MACROD2: variants seen among roughly 807,000 people sequenced by gnomAD.
The protein encoded by MACROD2 is mono-ADP ribosylhydrolase 2.
MACROD2 carries 36 observed loss-of-function variants against 70.4 expected under a neutral mutation model. That is an observed-to-expected ratio of 0.51 (90% confidence interval 0.39 to 0.68). MACROD2 has a LOEUF of 0.68. Among genes scored for constraint, MACROD2 ranks in the 30% least tolerant of loss-of-function variants. The pLI, the probability that MACROD2 is intolerant of heterozygous loss-of-function variation, is 0.00. For synonymous variants in MACROD2, 172 were observed against 178.8 expected (o/e 0.96, Z 0.30); for missense variants, 496 against 538.4 (o/e 0.92, Z 0.78).
intron 6 of MACROD2, among the ~76,000 whole-genome samples, chr20:15,264,834 C>G (rs981786930): frequency 6.6e-6 from 1 of 151,992 alleles, no homozygotes; most frequent in African/African-American, 2.4e-5. Context: ...CCCTGACCAC[C>G]CCAAACTTCA....
intron 4 of MACROD2, among the ~76,000 whole-genome samples, chr20:14,496,734 A>C (rs770009528): frequency 6.7e-6 from 1 of 148,686 alleles, no homozygotes; most frequent in South Asian, 2.1e-4. Flanking sequence ...TTCTGTTCAT[A>C]GTTTCTAGAT....
chr20:14,666,827 T>C (rs2070741580), intron 4 of MACROD2, among the ~76,000 whole-genome samples: 1 of 151,984 alleles, frequency 6.6e-6, no homozygotes. Context: ...TGTTTCATCC[T>C]GACAGGAATG....
At chr20:14,923,069 T>A (rs996193004) in intron 5 of MACROD2, among the ~76,000 whole-genome samples, 1 of 152,168 alleles carries the variant, frequency 6.6e-6, no homozygotes, top group African/African-American at 2.4e-5. Flanking sequence ...CATTCTCAAT[T>A]GCCAGCGGTC....
rs546924684 is a variant in MACROD2 at position 15,911,385 on chromosome 20, A to G, written c.776-21891A>G. Among the ~76,000 whole-genome samples, 31 of 152,382 alleles carry G rather than the reference A, an allele frequency of 2.0e-4. 1 individual carries two copies. In the South Asian group the frequency reaches 6.4e-3, roughly 32 times the overall value. On this transcript the variant is annotated intron_variant, in intron 10 of 17. Coordinates refer to ENST00000684519, the MANE Select transcript of MACROD2 (RefSeq NM_001351661.2). ...GTGTCTTGTTCTTTAAAGACAGACA[A>G]TAAGAGTTAGGAGGACATAATGTCA... is the stretch of plus-strand genomic sequence containing the variant.
At chr20:15,739,354 T>G (rs1041471451) in intron 8 of MACROD2, among the ~76,000 whole-genome samples, 5 of 152,160 alleles carry the variant, frequency 3.3e-5, no homozygotes, top group African/African-American at 1.2e-4. Context: ...AAATCTGGAT[T>G]TGGAAGTCAT....
At chr20:15,301,864 G>A (rs886568508) in intron 6 of MACROD2, among the ~76,000 whole-genome samples, 9 of 152,044 alleles carry the variant, frequency 5.9e-5, no homozygotes, top group South Asian at 2.1e-4. Flanking sequence ...ATTCTCTCGC[G>A]TCTCATTTTT....
intron 5 of MACROD2, among the ~76,000 whole-genome samples, chr20:14,951,990 A>T (rs1251908865): frequency 6.6e-6 from 1 of 151,262 alleles, no homozygotes; most frequent in African/African-American, 2.4e-5. Flanking sequence ...GTTTGCTTGG[A>T]AATGCATTCC....
chr20:14,291,316 T>C (rs1426974410), intron 3 of MACROD2, among the ~76,000 whole-genome samples: 1 of 152,220 alleles, frequency 6.6e-6, no homozygotes, highest in Non-Finnish European at 1.5e-5. Flanking sequence ...GGATTACTTT[T>C]AGCTGTGGGA....
chr20:15,782,201 A>G (rs2051845391), intron 8 of MACROD2, among the ~76,000 whole-genome samples: 1 of 152,126 alleles, frequency 6.6e-6, no homozygotes, highest in Non-Finnish European at 1.5e-5. Flanking sequence ...GAGACAGGAC[A>G]TAGAAAGCAC....
At chr20:15,036,379 A>G (rs537038834) in intron 5 of MACROD2, among the ~76,000 whole-genome samples, 255 of 152,240 alleles carry the variant, frequency 1.7e-3, no homozygotes, top group African/African-American at 5.9e-3. Context: ...TAGTTCCCAG[A>G]TCAGTATAAT....
intron 5 of MACROD2, among the ~76,000 whole-genome samples, chr20:15,181,363 G>T (rs2076499500): frequency 6.6e-6 from 1 of 152,152 alleles, no homozygotes; most frequent in Non-Finnish European, 1.5e-5. Flanking sequence ...CCTAATAATA[G>T]CTATTAATTA....
chr20:15,852,162 G>T (rs772726934), intron 8 of MACROD2, among the ~76,000 whole-genome samples: 3 of 152,162 alleles, frequency 2.0e-5, no homozygotes, highest in Non-Finnish European at 4.4e-5. Context: ...GTGAAATTTT[G>T]ATCAATATGA....
chr20:14,077,894 C>CTTTTTTTTTTTTTTTTTTT (rs58677755), intron 2 of MACROD2, among the ~76,000 whole-genome samples: 1 of 120,502 alleles, frequency 8.3e-6, no homozygotes. Context: ...AAAGGTTTTT[C>CTTTTTTTTTTTTTTTTTTT]TTTTTTTTTT....
At chr20:15,312,953 T>G (rs78522846) in intron 6 of MACROD2, among the ~76,000 whole-genome samples, 5,759 of 152,310 alleles carry the variant, frequency 0.038, 138 homozygotes, top group South Asian at 0.099. Flanking sequence ...CTCTAGTACA[T>G]GTATTCATCT....
intron 8 of MACROD2, among the ~76,000 whole-genome samples, chr20:15,674,622 T>C (rs1280563902): frequency 6.6e-6 from 1 of 152,100 alleles, no homozygotes; most frequent in Non-Finnish European, 1.5e-5. Flanking sequence ...TATCAGTCTC[T>C]GCTGCCCACT....
At chr20:14,563,092 G>C (rs1600389491) in intron 4 of MACROD2, among the ~76,000 whole-genome samples, 1 of 151,772 alleles carries the variant, frequency 6.6e-6, no homozygotes, top group Non-Finnish European at 1.5e-5. Flanking sequence ...TGCAGGAGTA[G>C]GGTGGAATTG....
intron 1 of MACROD2, among the ~76,000 whole-genome samples, chr20:13,997,037 T>C (rs2052670627): frequency 6.6e-6 from 1 of 152,128 alleles, no homozygotes. Context: ...GAATCCACTA[T>C]ATAGGATCGG....
At chr20:15,680,382 T>C (rs975338750) in intron 8 of MACROD2, among the ~76,000 whole-genome samples, 1 of 152,142 alleles carries the variant, frequency 6.6e-6, no homozygotes, top group African/African-American at 2.4e-5. Flanking sequence ...TGCTTCCTTC[T>C]CCTCTCATCA....
At chr20:15,732,536 T>C (rs2050959820) in intron 8 of MACROD2, among the ~76,000 whole-genome samples, 1 of 152,222 alleles carries the variant, frequency 6.6e-6, no homozygotes. Flanking sequence ...GCTTTTTCTG[T>C]CTCTACTAAT....
Sources: allele counts gnomAD v4.1 joint callset (sites outside exome capture counted in the v4.1 genomes callset), GRCh38; gene constraint gnomAD v4.1.1; transcripts MANE v1.5; gene names NCBI Gene and HGNC (gene_info 2026-07-23, HGNC 2026-07-21).